Variants in DLGAP2 observed in about 807,000 individuals in gnomAD.
DLGAP2 encodes DLG associated protein 2.
A neutral mutation model predicts 100.3 loss-of-function variants in DLGAP2; 26 were observed. The observed-to-expected ratio is 0.26, with a 90% confidence interval of 0.19 to 0.36. DLGAP2 has a LOEUF of 0.36. DLGAP2 is among the 10% of genes least tolerant of loss of function. The pLI is 1.00. For synonymous variants in DLGAP2, 886 were observed against 630.1 expected (o/e 1.41, Z -6.08); for missense variants, 1,858 against 1,453.2 (o/e 1.28, Z -4.53).
intron 3 of DLGAP2, among the ~76,000 whole-genome samples, chr8:1,499,920 A>C (rs1563185204): frequency 7.1e-6 from 1 of 141,042 alleles, no homozygotes; most frequent in Non-Finnish European, 1.5e-5. Context: ...TGGCTCCAGC[A>C]TCACACTCTG....
Position 1,168,272 on chromosome 8 carries a change from A to C in DLGAP2, c.74-90579A>C, listed in dbSNP as rs62487555. 2.6e-3 allele frequency among the ~76,000 whole-genome samples: 401 copies of C among 151,744 alleles called. 8 individuals are homozygous for C. In the South Asian group the frequency reaches 0.041, roughly 15 times the overall value. On this transcript the variant is annotated intron_variant, in intron 2 of 14. Coordinates refer to ENST00000637795, the MANE Select transcript of DLGAP2 (RefSeq NM_001346810.2). ...TATAGGTGCCACATTTTCTTAATCCAGTCTATCATTGTTGGACATTTGGGT... is the reference window on the plus strand; with the variant it reads ...TATAGGTGCCACATTTTCTTAATCCCGTCTATCATTGTTGGACATTTGGGT...
chr8:1,127,768 G>T (rs1796201451), intron 2 of DLGAP2, among the ~76,000 whole-genome samples: 1 of 152,180 alleles, frequency 6.6e-6, no homozygotes, highest in Admixed American at 6.5e-5. Context: ...GGTTAACTAC[G>T]CCCGTTCTGT....
At chr8:886,440 A>G (rs1216070974) in intron 1 of DLGAP2, among the ~76,000 whole-genome samples, 4 of 151,912 alleles carry the variant, frequency 2.6e-5, no homozygotes, top group Admixed American at 2.6e-4. Context: ...TCTTGCCTCT[A>G]TAGCTCTTAT....
At chr8:1,620,907 C>T (rs144929920) in intron 6 of DLGAP2, among the ~76,000 whole-genome samples, 6 of 152,314 alleles carry the variant, frequency 3.9e-5, no homozygotes, top group African/African-American at 1.2e-4. Context: ...CACTCTGCTT[C>T]CCCAAACTTC....
chr8:936,339 C>G (rs565848639), intron 2 of DLGAP2, among the ~76,000 whole-genome samples: 2 of 152,292 alleles, frequency 1.3e-5, no homozygotes, highest in East Asian at 3.9e-4. Flanking sequence ...AGTGCAGGAA[C>G]CGACCAATGT....
At position 1,678,371 on chromosome 8, in the gene DLGAP2, A is replaced by G. The variant is rs769815917; in HGVS notation, c.2446A>G (p.Ser816Gly). 3 of 1,613,840 alleles carry G rather than the reference A, an allele frequency of 1.9e-6. No homozygotes were observed. The highest frequency in any genetic ancestry group is 2.7e-5 in the African/African-American group (2 of 74,916). The change falls in exon 12 of 15, where the codon AGC (serine) becomes GGC (glycine). Residue 816 changes from serine (S) to glycine (G), a missense_variant. Coordinates refer to ENST00000637795, the MANE Select transcript of DLGAP2 (RefSeq NM_001346810.2). ...HSEPSTPTQY[S>G]AVRTVRTQGL... ...CGAGCCCAGCACCCCCACCCAGTACAGCGCGGTGAGAACTGTACGGACCCA... is the reference window on the plus strand; with the variant it reads ...CGAGCCCAGCACCCCCACCCAGTACGGCGCGGTGAGAACTGTACGGACCCA...
At chr8:1,221,033 G>C (rs1798305399) in intron 2 of DLGAP2, among the ~76,000 whole-genome samples, 1 of 152,202 alleles carries the variant, frequency 6.6e-6, no homozygotes, top group Non-Finnish European at 1.5e-5. Flanking sequence ...GCGTACAGTT[G>C]AGTCTTGCTT....
chr8:1,289,866 C>G (rs1005248622), intron 3 of DLGAP2, among the ~76,000 whole-genome samples: 2 of 152,146 alleles, frequency 1.3e-5, no homozygotes, highest in Admixed American at 1.3e-4. Flanking sequence ...GAGAATCTTT[C>G]CTAAGATATT....
At chr8:1,506,925 C>T (rs1184661120) in intron 4 of DLGAP2, among the ~76,000 whole-genome samples, 1 of 152,128 alleles carries the variant, frequency 6.6e-6, no homozygotes, top group Admixed American at 6.6e-5. Flanking sequence ...ATTTACAATC[C>T]TCTAGCTAGA....
intron 1 of DLGAP2, among the ~76,000 whole-genome samples, chr8:756,846 G>A (rs576779221): frequency 3.3e-5 from 5 of 152,206 alleles, no homozygotes; most frequent in South Asian, 2.1e-4. Flanking sequence ...CACAGCTGCC[G>A]GGATAATCTT....
intron 2 of DLGAP2, among the ~76,000 whole-genome samples, chr8:919,163 T>A (rs1798656202): frequency 6.6e-6 from 1 of 152,194 alleles, no homozygotes; most frequent in Admixed American, 6.5e-5. Context: ...AATACATTAT[T>A]ATTTGACCCG....
intron 2 of DLGAP2, among the ~76,000 whole-genome samples, chr8:1,145,080 G>A (rs564702420): frequency 1.2e-3 from 185 of 152,356 alleles, no homozygotes; most frequent in Middle Eastern, 6.8e-3. Flanking sequence ...TTAGTAGGTG[G>A]CCAAGGGACC....
At chr8:1,423,322 G>A (rs1797151014) in intron 3 of DLGAP2, among the ~76,000 whole-genome samples, 1 of 151,992 alleles carries the variant, frequency 6.6e-6, no homozygotes, top group Non-Finnish European at 1.5e-5. Context: ...GTTCCCCCAG[G>A]CACCCGGGCA....
chr8:1,416,129 A>G (rs1231981182), intron 3 of DLGAP2, among the ~76,000 whole-genome samples: 4 of 152,116 alleles, frequency 2.6e-5, no homozygotes, highest in Admixed American at 2.6e-4. Context: ...TGCTAAAGAG[A>G]CTTTTCAAAG....
intron 2 of DLGAP2, among the ~76,000 whole-genome samples, chr8:1,208,186 A>T (rs1332969425): frequency 6.6e-6 from 1 of 152,208 alleles, no homozygotes; most frequent in Non-Finnish European, 1.5e-5. Context: ...TAGAATATTT[A>T]GGGTTTCAGG....
chr8:1,272,582 T>C (rs1304316591), intron 3 of DLGAP2, among the ~76,000 whole-genome samples: 2 of 152,210 alleles, frequency 1.3e-5, no homozygotes, highest in Non-Finnish European at 2.9e-5. Context: ...AACTTTGTTT[T>C]ATGATCATGC....
intron 1 of DLGAP2, among the ~76,000 whole-genome samples, chr8:744,622 G>A (rs6997751): frequency 0.57 from 54,198 of 94,656 alleles, 13,913 homozygotes; most frequent in African/African-American, 0.66. Context: ...CTCCGGCCAC[G>A]TCGCCCTCCC....
chr8:1,006,567 A>G (rs1357598705), intron 2 of DLGAP2, among the ~76,000 whole-genome samples: 1 of 69,668 alleles, frequency 1.4e-5, no homozygotes, highest in African/African-American at 6.2e-5. Context: ...GATGTCCTTT[A>G]TCACGTCGGG....
At chr8:1,317,681 C>T (rs1180507373) in intron 3 of DLGAP2, among the ~76,000 whole-genome samples, 38 of 134,208 alleles carry the variant, frequency 2.8e-4, no homozygotes, top group Non-Finnish European at 6.3e-5. Flanking sequence ...GCGAGTGCAG[C>T]GTCTCTCCAA....
Sources: allele counts gnomAD v4.1 joint callset (sites outside exome capture counted in the v4.1 genomes callset), GRCh38; gene constraint gnomAD v4.1.1; transcripts MANE v1.5; gene names NCBI Gene and HGNC (gene_info 2026-07-23, HGNC 2026-07-21).